PHKA1: variants seen among roughly 807,000 people sequenced by gnomAD.
PHKA1 encodes the protein phosphorylase b kinase regulatory subunit alpha, skeletal muscle isoform.
Under a neutral mutation model 110.2 loss-of-function variants are expected in PHKA1, and 60 were observed. That is an observed-to-expected ratio of 0.54 (90% CI 0.44 to 0.68). The LOEUF is 0.68. Ranked by LOEUF, PHKA1 falls within the 30% of genes least tolerant of loss-of-function variation. The pLI, the probability that PHKA1 is intolerant of heterozygous loss-of-function variation, is 0.00. For synonymous variants in PHKA1, 316 were observed against 333.6 expected (o/e 0.95, Z 0.58); for missense variants, 801 against 942.5 (o/e 0.85, Z 1.97).
intron 14 of PHKA1, among the ~76,000 whole-genome samples, 164 bp downstream of exon 14, chrX:72,644,198 C>T (rs1040392329): frequency 1.8e-5 from 2 of 111,515 alleles, no homozygotes; most frequent in Admixed American, 1.9e-4. Flanking sequence ...ATTATCAGGC[C>T]TGCTCAGAAT....
intron 5 of PHKA1, among the ~76,000 whole-genome samples, chrX:72,676,903 G>A (rs956329776): frequency 8.9e-6 from 1 of 112,642 alleles, no homozygotes; most frequent in African/African-American, 3.2e-5. Flanking sequence ...TAACCACAGT[G>A]TAATAGTTAA....
At chrX:72,655,941 A>C (rs980885960) in intron 10 of PHKA1, among the ~76,000 whole-genome samples, 179 bp downstream of exon 10, 4 of 112,605 alleles carry the variant, frequency 3.6e-5, no homozygotes, top group Non-Finnish European at 7.5e-5. Flanking sequence ...TTTTTTAAAA[A>C]GAAGAAAAAA....
At chrX:72,670,497 A>T (rs1312232067) in intron 6 of PHKA1, among the ~76,000 whole-genome samples, 1 of 112,027 alleles carries the variant, frequency 8.9e-6, no homozygotes, top group Non-Finnish European at 1.9e-5. Flanking sequence ...GCAGAATTCT[A>T]CCAGAGGTAC....
intron 5 of PHKA1, among the ~76,000 whole-genome samples, chrX:72,681,705 G>A (rs797024455): frequency 3.3e-4 from 24 of 71,856 alleles, no homozygotes; most frequent in South Asian, 9.8e-4. Flanking sequence ...CAGCCGCCCC[G>A]TCCGGGAGGG....
intron 14 of PHKA1, among the ~76,000 whole-genome samples, chrX:72,637,918 G>GT (rs1240262988): frequency 1.8e-5 from 2 of 111,318 alleles, no homozygotes; most frequent in African/African-American, 6.5e-5. Context: ...TTTTAGCAAT[G>GT]TTTTTCCATT....
intron 3 of PHKA1, among the ~76,000 whole-genome samples, chrX:72,701,659 C>T (rs1556329679): frequency 8.9e-6 from 1 of 111,732 alleles, no homozygotes; most frequent in Non-Finnish European, 1.9e-5. Flanking sequence ...GTGGAGATTG[C>T]AGTGAGCTGA....
At position 72,705,167 on chromosome X, in the gene PHKA1, A is replaced by G. The variant is rs373976979; in HGVS notation, c.285+31T>C. On this transcript the variant is annotated intron_variant, in intron 3 of 31. Transcript: ENST00000373542. The stretch of plus-strand genomic sequence containing the variant: ...AGAGATACTATTACAATGTGCTTTT[A>G]TTAGAGAGGAAGGTGTTATCAATAC... The G allele has an allele frequency of 5.4e-5, 57 of 1,060,802 alleles. No homozygotes were observed. In the African/African-American group the frequency reaches 8.1e-4, roughly 15 times the overall value. The allele number at this position is 1,060,802 out of a possible 1,213,427, so 87.4% of individuals were successfully genotyped here. A position where few individuals can be genotyped will look rare whatever the true frequency, so the allele number is the denominator to read the frequency against.
intron 10 of PHKA1, among the ~76,000 whole-genome samples, chrX:72,655,540 G>A (rs181649884): frequency 1.8e-3 from 199 of 112,794 alleles, no homozygotes; most frequent in African/African-American, 6.0e-3. Flanking sequence ...TAATGAATGG[G>A]GAAAAACTAT....
At chrX:72,712,441 T>C (rs1302271128) in intron 2 of PHKA1, 3 of 254,143 alleles carry the variant, frequency 1.2e-5, no homozygotes, top group African/African-American at 5.5e-5. Flanking sequence ...CCAAACATTT[T>C]CTCAATGAGA....
chrX:72,630,765 TACC>T (rs1556286859), intron 16 of PHKA1, among the ~76,000 whole-genome samples: 3 of 110,269 alleles, frequency 2.7e-5, no homozygotes. Context: ...ACATGGATTT[TACC>T]ATGTTTAAGA....
intron 14 of PHKA1, among the ~76,000 whole-genome samples, 186 bp from the exon 15 acceptor site, chrX:72,636,572 T>A (rs1314691452): frequency 1.8e-5 from 2 of 112,184 alleles, no homozygotes; most frequent in Non-Finnish European, 3.8e-5. Flanking sequence ...ATTCTGAAAT[T>A]GGAATCCAAC....
intron 7 of PHKA1, among the ~76,000 whole-genome samples, chrX:72,667,062 A>G (rs2053623247): frequency 8.9e-6 from 1 of 112,392 alleles, no homozygotes; most frequent in Non-Finnish European, 1.9e-5. Flanking sequence ...TTTTCTTTAT[A>G]TATTTAGAAA....
rs1556245743 is a variant in PHKA1, at chrX:72,603,114, C to A, written c.2917+5G>T. Reference sequence around the variant, plus strand: ...TGAAATGAAAATGCAGTTATTCAATCTCACCGCTTCGTTCCACTCCAAACT... The same window carrying A: ...TGAAATGAAAATGCAGTTATTCAATATCACCGCTTCGTTCCACTCCAAACT... On this transcript the variant is annotated splice_donor_5th_base_variant and intron_variant, in intron 26 of 31. Coordinates refer to ENST00000373542, the MANE Select transcript of PHKA1 (RefSeq NM_002637.4). 8.8e-7 allele frequency: 1 copy of A among 1,139,073 alleles called. No homozygotes were observed. The highest frequency in any genetic ancestry group is 2.2e-5 in the Admixed American group (1 of 45,754). The allele number at this position is 1,139,073 out of a possible 1,213,427, so 93.9% of individuals were successfully genotyped here.
chrX:72,633,353 C>T (rs1217424671), intron 16 of PHKA1, among the ~76,000 whole-genome samples: 2 of 111,155 alleles, frequency 1.8e-5, no homozygotes, highest in Non-Finnish European at 3.8e-5. Flanking sequence ...TGTAAGAACA[C>T]ATGTGTGTCT....
At chrX:72,616,611 A>G (rs1569431037) in intron 21 of PHKA1, among the ~76,000 whole-genome samples, 1 of 111,764 alleles carries the variant, frequency 8.9e-6, no homozygotes, top group Non-Finnish European at 1.9e-5. Flanking sequence ...ACAGAAAATC[A>G]ACAAACAAAC....
intron 28 of PHKA1, chrX:72,599,818 T>C: frequency 1.8e-6 from 1 of 550,508 alleles, no homozygotes; most frequent in Non-Finnish European, 3.3e-6. Context: ...GCAGTTACCA[T>C]AAAAGACGGT....
At chrX:72,632,251 ATGT>A (rs1556288722) in intron 16 of PHKA1, among the ~76,000 whole-genome samples, 3 of 111,698 alleles carry the variant, frequency 2.7e-5, no homozygotes, top group Non-Finnish European at 5.6e-5. Flanking sequence ...TGATAGAAGT[ATGT>A]TGTTGTTTCC....
At chrX:72,713,186 GTAT>G (rs2054409245) in intron 1 of PHKA1, among the ~76,000 whole-genome samples, 1 of 111,753 alleles carries the variant, frequency 8.9e-6, no homozygotes, top group Non-Finnish European at 1.9e-5. Flanking sequence ...GATGATTTAT[GTAT>G]TCATTGGAAA....
chrX:72,680,941 T>C (rs376918238), intron 5 of PHKA1, among the ~76,000 whole-genome samples: 28 of 55,789 alleles, frequency 5.0e-4, no homozygotes, highest in Admixed American at 1.7e-3. Context: ...TCTGCCCGGC[T>C]GCCACCCCGT....
Sources: gnomAD v4.1 joint callset for allele counts (sites outside exome capture counted in the v4.1 genomes callset) on GRCh38, gnomAD v4.1.1 for gene constraint, MANE v1.5 for transcripts, NCBI Gene and HGNC (gene_info 2026-07-23, HGNC 2026-07-21) for gene names.